The following HABP2 variants were observed in gnomAD, a reference collection of about 807,000 sequenced individuals.
HABP2 encodes hyaluronan binding protein 2.
A neutral mutation model predicts 66.5 loss-of-function variants in HABP2; 65 were observed. That is an observed-to-expected ratio of 0.98 (90% CI 0.80 to 1.20). The LOEUF is 1.20. Among genes scored for constraint, HABP2 ranks in the 50% most tolerant of loss-of-function variants. The probability of loss-of-function intolerance (pLI) is 0.00; values close to 1 mark genes in which losing one functional copy is unlikely to be tolerated. For synonymous variants in HABP2, 263 were observed against 253.9 expected (o/e 1.04, Z -0.34); for missense variants, 786 against 691.0 (o/e 1.14, Z -1.54).
intron 2 of HABP2, among the ~76,000 whole-genome samples, chr10:113,572,354 A>G (rs1053517244): frequency 1.1e-4 from 17 of 152,296 alleles, no homozygotes; most frequent in African/African-American, 4.1e-4. Flanking sequence ...AATCTTCCCC[A>G]TTTCTAAATA....
At chr10:113,562,503 G>A (rs907597081) in intron 1 of HABP2, among the ~76,000 whole-genome samples, 3 of 147,804 alleles carry the variant, frequency 2.0e-5, no homozygotes, top group Non-Finnish European at 3.0e-5. Flanking sequence ...GGAGTGCAGT[G>A]GCACGATCTC....
At position 113,580,575 on chromosome 10, in the gene HABP2, T is replaced by A. The variant is rs1408478879; in HGVS notation, c.741-20T>A. ...TGTTCATCAAGCCTTGACTCTGAGT[T>A]GTTTTGTTTTGTATTTTAGAAACCC... On this transcript the variant is annotated intron_variant, in intron 7 of 12. Coordinates refer to ENST00000351270, the MANE Select transcript of HABP2 (RefSeq NM_004132.5). 1.6e-6 allele frequency: 2 copies of A among 1,267,922 alleles called. No individual in the cohort carries two copies. Among genetic ancestry groups the A allele is most frequent in the Non-Finnish European group, 1.2e-6 (1 of 863,716 alleles). 78.5% of individuals were successfully genotyped at this position (1,267,922 alleles called of 1,614,324 possible).
intron 7 of HABP2, 26 bp from the exon 8 acceptor site, chr10:113,580,569 C>CT (rs770137827): frequency 5.8e-6 from 7 of 1,197,734 alleles, no homozygotes; most frequent in Non-Finnish European, 8.8e-6. Context: ...AGCCTTGACT[C>CT]TGAGTTGTTT....
At position 113,589,059 on chromosome 10, in the gene HABP2, C is replaced by T. The variant is rs753029613; in HGVS notation, c.*690C>T. 1.9e-6 allele frequency: 3 copies of T among 1,613,878 alleles called. No individual in the cohort carries two copies. The highest frequency in any genetic ancestry group is 1.7e-6 in the Non-Finnish European group (2 of 1,179,972). On this transcript the variant is annotated 3_prime_UTR_variant, in exon 13 of 13. Transcript: ENST00000351270. ...CCTCCCCACTCTGATGATCTCCAGC[C>T]TCCACTGCTTCTGCCCCCCGCTGCT...
intron 1 of HABP2, among the ~76,000 whole-genome samples, chr10:113,553,508 A>G (rs1454784339): frequency 6.6e-6 from 1 of 152,254 alleles, no homozygotes; most frequent in Non-Finnish European, 1.5e-5. Flanking sequence ...CCCCTTTGAG[A>G]AGCCATGGAA....
intron 1 of HABP2, among the ~76,000 whole-genome samples, chr10:113,558,221 C>A (rs756907980): frequency 2.6e-4 from 39 of 152,346 alleles, no homozygotes; most frequent in South Asian, 2.5e-3. Flanking sequence ...GCTAGCAAAC[C>A]AGTTCGTTCA....
chr10:113,578,725 C>T lies in HABP2; in HGVS notation c.667C>T (p.Leu223Phe). 1 of 1,610,946 alleles carries T rather than the reference C, an allele frequency of 6.2e-7. No homozygotes were observed. ...HACLYWNSHL[L>F]LQENYNMFME... is the part of the protein sequence containing the mutation. ...GTGCCTTTACTGGAACTCCCACCTC[C>T]TCTTGCAGGAGAATTACAACATGTT... is the stretch of plus-strand genomic sequence containing the variant. Residue 223 changes from leucine (L) to phenylalanine (F), a missense_variant, in exon 7 of 13, where the codon CTC becomes TTC. Leu to Phe is a conservative substitution (Grantham distance 22). Transcript: ENST00000351270.
intron 8 of HABP2, 90 bp downstream of exon 8, chr10:113,580,782 C>T (rs1845513888): frequency 2.8e-6 from 2 of 711,450 alleles, no homozygotes; most frequent in African/African-American, 1.8e-5. Flanking sequence ...CTCCCTCACC[C>T]TGTTCTTCCT....
Position 113,556,934 on chromosome 10 carries a change from C to T in HABP2, c.69+3744C>T, listed in dbSNP as rs987751842. ...TGCTGAGATGACAGGTGTGAAGCAT[C>T]ATGCCTGGCCCCCATACTATCTAGA... On this transcript the variant is annotated intron_variant, in intron 1 of 12. Coordinates refer to ENST00000351270, the MANE Select transcript of HABP2 (RefSeq NM_004132.5). Among the ~76,000 whole-genome samples the T allele has an allele frequency of 3.3e-5, 5 of 150,974 alleles. 1 individual carries two copies. Among genetic ancestry groups the T allele is most frequent in the African/African-American group, 1.2e-4 (5 of 40,948 alleles).
In HABP2 at chr10:113,572,024, C is replaced by T. The variant is rs374491784; in HGVS notation, c.107-2265C>T. Among the ~76,000 whole-genome samples, 34 of 152,364 alleles carry T rather than the reference C, an allele frequency of 2.2e-4. No individual in the cohort carries two copies. In the South Asian group the frequency reaches 6.4e-3, roughly 29 times the overall value. ...TGTAAAGCACCTTCAAATCACATGG[C>T]AGCCCATCCCAAATGGAAAGGATCT... On this transcript the variant is annotated intron_variant, in intron 2 of 12. Transcript: ENST00000351270.
intron 1 of HABP2, among the ~76,000 whole-genome samples, chr10:113,557,519 A>T (rs1204616550): frequency 2.6e-5 from 4 of 152,224 alleles, no homozygotes; most frequent in African/African-American, 9.6e-5. Context: ...TTTAAATAAA[A>T]CATGCTTTTT....
At chr10:113,558,931 T>C (rs1415774729) in intron 1 of HABP2, among the ~76,000 whole-genome samples, 1 of 152,132 alleles carries the variant, frequency 6.6e-6, no homozygotes, top group Non-Finnish European at 1.5e-5. Context: ...CTTGGCTCAA[T>C]GCAACCTCTG....
At chr10:113,571,954 A>C (rs1845322348) in intron 2 of HABP2, among the ~76,000 whole-genome samples, 1 of 152,250 alleles carries the variant, frequency 6.6e-6, no homozygotes, top group African/African-American at 2.4e-5. Context: ...AAGACAAAAT[A>C]AGGTTTAATC....
At chr10:113,575,770 CCAGTTTCTGGCT>C in intron 3 of HABP2, 115 bp from the exon 4 acceptor site, 1 of 669,422 alleles carries the variant, frequency 1.5e-6, no homozygotes, top group East Asian at 2.5e-5. Context: ...CCTCCTTTCC[CCAGTTTCTGGCT>C]CAGTAGTTAC....
intron 2 of HABP2, among the ~76,000 whole-genome samples, chr10:113,568,035 C>T (rs1486413840): frequency 6.6e-6 from 1 of 152,246 alleles, no homozygotes; most frequent in African/African-American, 2.4e-5. Flanking sequence ...AGGCTCGACG[C>T]GTCTACCACC....
upstream of HABP2, among the ~76,000 whole-genome samples, chr10:113,551,190 G>A (rs1844892068): frequency 6.6e-6 from 1 of 152,216 alleles, no homozygotes; most frequent in African/African-American, 2.4e-5. Context: ...CCAGTGCTGG[G>A]CATCTATGCC....
intron 1 of HABP2, 44 bp from the exon 2 acceptor site, chr10:113,567,445 A>G (rs1015149637): frequency 1.3e-6 from 2 of 1,513,484 alleles, no homozygotes; most frequent in Non-Finnish European, 1.8e-6. Flanking sequence ...CGCCCGGCAG[A>G]GCTCCATCTC....
chr10:113,563,114 G>A (rs1468411770), intron 1 of HABP2, among the ~76,000 whole-genome samples: 1 of 152,194 alleles, frequency 6.6e-6, no homozygotes, highest in Non-Finnish European at 1.5e-5. Context: ...ACAGTTGATG[G>A]CACATTGTCA....
At chr10:113,564,198 T>G (rs1292399195) in intron 1 of HABP2, among the ~76,000 whole-genome samples, 2 of 152,148 alleles carry the variant, frequency 1.3e-5, no homozygotes, top group Admixed American at 1.3e-4. Flanking sequence ...TCAGATCTCC[T>G]GAGACTTAAT....
Sources: allele counts gnomAD v4.1 joint callset (sites outside exome capture counted in the v4.1 genomes callset), GRCh38; gene constraint gnomAD v4.1.1; transcripts MANE v1.5; gene names NCBI Gene and HGNC (gene_info 2026-07-23, HGNC 2026-07-21).